Variants in TMTC2 observed in about 807,000 individuals in gnomAD.
The protein encoded by TMTC2 is transmembrane O-mannosyltransferase targeting cadherins 2.
In TMTC2, 43 loss-of-function variants were observed where a neutral mutation model predicts 82.4. The observed-to-expected ratio is 0.52, with a 90% confidence interval of 0.41 to 0.67. The LOEUF (loss-of-function observed/expected upper bound fraction) is 0.67. TMTC2 is among the 30% of genes least tolerant of loss of function. The pLI is 0.00. For synonymous variants in TMTC2, 408 were observed against 381.9 expected (o/e 1.07, Z -0.80); for missense variants, 919 against 1,012.4 (o/e 0.91, Z 1.25).
intron 3 of TMTC2, among the ~76,000 whole-genome samples, chr12:82,904,599 CTT>C (rs1279585926): frequency 2.6e-5 from 4 of 152,270 alleles, no homozygotes; most frequent in South Asian, 2.1e-4. Context: ...CACAATGACT[CTT>C]TGCATTTCTG....
chr12:82,736,841 A>G (rs1045114887), intron 1 of TMTC2, among the ~76,000 whole-genome samples: 1 of 152,230 alleles, frequency 6.6e-6, no homozygotes, highest in South Asian at 2.1e-4. Context: ...CAGAGGTGAA[A>G]TGAAATCTCT....
intron 3 of TMTC2, among the ~76,000 whole-genome samples, chr12:82,921,474 T>C (rs1271995609): frequency 6.6e-6 from 1 of 152,158 alleles, no homozygotes; most frequent in African/African-American, 2.4e-5. Flanking sequence ...ATTTTTATTA[T>C]AATTTTTAAA....
At chr12:82,786,332 A>G (rs1455087121) in intron 1 of TMTC2, among the ~76,000 whole-genome samples, 3 of 152,064 alleles carry the variant, frequency 2.0e-5, no homozygotes, top group Non-Finnish European at 4.4e-5. Flanking sequence ...CAGTTTAAAT[A>G]ATGGTATAAG....
intron 1 of TMTC2, among the ~76,000 whole-genome samples, chr12:82,735,519 G>A (rs1414676974): frequency 2.0e-5 from 3 of 151,648 alleles, no homozygotes; most frequent in Non-Finnish European, 2.9e-5. Flanking sequence ...CTAATTTTTT[G>A]TATTTTTAGT....
intron 2 of TMTC2, among the ~76,000 whole-genome samples, chr12:82,875,211 G>A (rs2707750): frequency 0.058 from 8,762 of 152,164 alleles, 838 homozygotes; most frequent in African/African-American, 0.2. Flanking sequence ...TATGTTTAGG[G>A]CAATATATTT....
At chr12:83,063,073 C>G (rs1434770232) in intron 11 of TMTC2, among the ~76,000 whole-genome samples, 2 of 151,434 alleles carry the variant, frequency 1.3e-5, no homozygotes, top group African/African-American at 4.8e-5. Context: ...AAATGATGAC[C>G]CAGGAAAATA....
chr12:82,807,366 G>T lies in TMTC2; in HGVS notation c.84-49644G>T, dbSNP rs575945790. Among the ~76,000 whole-genome samples, 25 of 152,160 alleles carry T rather than the reference G, an allele frequency of 1.6e-4. No homozygotes were observed. The South Asian group carries it at 5.0e-3, about 30-fold the overall frequency. On this transcript the variant is annotated intron_variant, in intron 1 of 11. Coordinates refer to ENST00000321196, the MANE Select transcript of TMTC2 (RefSeq NM_152588.3). ...CCTCTAAATTTTATTGTTTGAAATG[G>T]AGCAAAAAGAAGGGTAACTAGTTCC...
chr12:82,993,150 A>G (rs1041179379), intron 8 of TMTC2, among the ~76,000 whole-genome samples: 4 of 151,862 alleles, frequency 2.6e-5, no homozygotes, highest in Non-Finnish European at 4.4e-5. Flanking sequence ...ACGCCTGGCT[A>G]ATTTTTGTAT....
At chr12:83,094,236 G>C (rs1883946127) in intron 11 of TMTC2, among the ~76,000 whole-genome samples, 1 of 152,252 alleles carries the variant, frequency 6.6e-6, no homozygotes, top group Non-Finnish European at 1.5e-5. Context: ...GAAAAGGCCA[G>C]AGAAGATGTC....
At chr12:82,983,764 C>T (rs975033470) in intron 7 of TMTC2, among the ~76,000 whole-genome samples, 5 of 151,914 alleles carry the variant, frequency 3.3e-5, no homozygotes, top group African/African-American at 1.2e-4. Context: ...GTAATTTAGG[C>T]CCATATTCCA....
chr12:82,700,121 C>A (rs939797856), intron 1 of TMTC2, among the ~76,000 whole-genome samples: 1 of 152,010 alleles, frequency 6.6e-6, no homozygotes, highest in African/African-American at 2.4e-5. Context: ...AACCAAGCTC[C>A]CCACTGATAC....
At chr12:83,035,453 A>G (rs1333546503) in intron 9 of TMTC2, among the ~76,000 whole-genome samples, 1 of 152,150 alleles carries the variant, frequency 6.6e-6, no homozygotes, top group Non-Finnish European at 1.5e-5. Flanking sequence ...TGAAAGATTG[A>G]CATGGACTCC....
In TMTC2 at chr12:83,099,882, G is replaced by A. The variant is rs193124952; in HGVS notation, c.2332-32328G>A. Reference sequence around the variant, plus strand: ...ATTATAGCTTTTATTTTGATAATATGCTATAAAATAATATCTTACATCTCT... The same window carrying A: ...ATTATAGCTTTTATTTTGATAATATACTATAAAATAATATCTTACATCTCT... On this transcript the variant is annotated intron_variant, in intron 11 of 11. Coordinates refer to ENST00000321196, the MANE Select transcript of TMTC2 (RefSeq NM_152588.3). 1.8e-3 allele frequency among the ~76,000 whole-genome samples: 272 copies of A among 151,644 alleles called. 3 individuals are homozygous for A. The highest frequency in any genetic ancestry group is 3.1e-3 in the Non-Finnish European group (213 of 67,948).
chr12:82,823,314 T>G (rs1003237113), intron 1 of TMTC2, among the ~76,000 whole-genome samples: 2 of 152,226 alleles, frequency 1.3e-5, no homozygotes, highest in East Asian at 3.8e-4. Flanking sequence ...TCTGCTAATA[T>G]GTACACACAT....
intron 8 of TMTC2, among the ~76,000 whole-genome samples, chr12:82,997,034 G>A (rs1052310451): frequency 6.6e-5 from 10 of 151,646 alleles, no homozygotes; most frequent in Non-Finnish European, 1.0e-4. Flanking sequence ...TTTCCTGAGG[G>A]TGTCTGTCTT....
chr12:82,815,601 G>C (rs971775568), intron 1 of TMTC2, among the ~76,000 whole-genome samples: 2 of 151,784 alleles, frequency 1.3e-5, no homozygotes, highest in East Asian at 1.9e-4. Flanking sequence ...CGTCCTTCAA[G>C]GTTTATTGAT....
chr12:82,692,785 A>C (rs1197612814), intron 1 of TMTC2, among the ~76,000 whole-genome samples: 6 of 152,214 alleles, frequency 3.9e-5, no homozygotes, highest in Admixed American at 3.3e-4. Context: ...CCTCTCCTCT[A>C]TAAATAGCTG....
intron 2 of TMTC2, among the ~76,000 whole-genome samples, chr12:82,890,028 TC>T (rs1262537675): frequency 3.3e-5 from 5 of 152,340 alleles, no homozygotes; most frequent in Non-Finnish European, 5.9e-5. Flanking sequence ...TTGTGTACTT[TC>T]ATTTTCACAA....
intron 4 of TMTC2, among the ~76,000 whole-genome samples, chr12:82,937,924 T>TTA (rs1184066296): frequency 5.4e-5 from 5 of 92,906 alleles, no homozygotes; most frequent in Admixed American, 1.4e-4. Context: ...TTTTTTTTAT[T>TTA]TTTTTTTTTT....
Sources: gnomAD v4.1 joint callset for allele counts (sites outside exome capture counted in the v4.1 genomes callset) on GRCh38, gnomAD v4.1.1 for gene constraint, MANE v1.5 for transcripts, NCBI Gene and HGNC (gene_info 2026-07-23, HGNC 2026-07-21) for gene names.